Variants in COL9A3 observed in about 807,000 individuals in gnomAD.
COL9A3 encodes collagen type IX alpha 3 chain.
A neutral mutation model predicts 110.2 loss-of-function variants in COL9A3; 82 were observed. The observed-to-expected ratio is 0.74, with a 90% confidence interval of 0.62 to 0.89. The LOEUF (loss-of-function observed/expected upper bound fraction) is 0.89, where lower values mean the gene tolerates loss of function less well. Among genes scored for constraint, COL9A3 ranks in the 40% least tolerant of loss-of-function variants. The pLI is 0.00. For synonymous variants in COL9A3, 494 were observed against 403.8 expected, an observed-to-expected ratio of 1.22 and a Z score of -2.68; for missense variants, 1,066 against 981.3, an observed-to-expected ratio of 1.09 and a Z score of -1.15.
At chr20:62,824,927 G>A (rs779193136) in intron 11 of COL9A3, 41 bp from the exon 12 acceptor site, 18 of 1,579,614 alleles carry the variant, frequency 1.1e-5, no homozygotes, top group African/African-American at 1.3e-5. Flanking sequence ...AGGGGGTGTC[G>A]GGGGGTCTGG....
chr20:62,817,708 C>T (rs1424880464), intron 2 of COL9A3, 73 bp downstream of exon 2: 5 of 1,045,664 alleles, frequency 4.8e-6, no homozygotes, highest in South Asian at 3.2e-5. Context: ...CTGAGCTCCC[C>T]GGCCTGATGG....
At chr20:62,826,849 A>G (rs776994258) in intron 15 of COL9A3, 29 bp downstream of exon 15, 2 of 1,610,962 alleles carry the variant, frequency 1.2e-6, no homozygotes, top group South Asian at 1.1e-5. Flanking sequence ...GGTGGGCGCC[A>G]TGCCTCGTGA....
chr20:62,839,096 G>T (rs183688259), intron 31 of COL9A3, among the ~76,000 whole-genome samples: 1 of 152,110 alleles, frequency 6.6e-6, no homozygotes, highest in Admixed American at 6.5e-5. Flanking sequence ...GTGGTGGCGG[G>T]CGCCTGTAAT....
In COL9A3 at chr20:62,825,830, C is replaced by T. The variant is rs1046213869; in HGVS notation, c.644C>T (p.Pro215Leu). Residue 215 changes from proline (P) to leucine (L), a missense_variant, in exon 13 of 32, where the codon CCC (proline) becomes CTC (leucine). Pro to Leu is a moderately conservative substitution (Grantham distance 98). Coordinates refer to ENST00000649368, the MANE Select transcript of COL9A3 (RefSeq NM_001853.4). ...GKDGEKGDPG[P>L]PGPAGLPGSV... ...CCTCTGTTTCAGGGTGACCCTGGCC[C>T]CCCTGGGCCCGCCGGCCTCCCGGGC... The T allele has an allele frequency of 6.4e-7, 1 of 1,555,160 alleles. No homozygotes were observed.
intron 24 of COL9A3, chr20:62,831,756 AT>A (rs1017837609): frequency 7.1e-6 from 2 of 280,474 alleles, no homozygotes; most frequent in East Asian, 8.4e-5. Context: ...GCAAATGGAC[AT>A]TTTTTAAAGG....
At chr20:62,817,989 C>T in intron 2 of COL9A3, 1 of 388,278 alleles carries the variant, frequency 2.6e-6, no homozygotes, top group Middle Eastern at 7.1e-4. Context: ...TTGTTGGAGG[C>T]TGCTGGGCTC....
At chr20:62,827,813 C>T (rs565980193) in intron 16 of COL9A3, 110 bp from the exon 17 acceptor site, 1 of 1,202,884 alleles carries the variant, frequency 8.3e-7, no homozygotes, top group South Asian at 1.2e-5. Context: ...GGGGTGGCCC[C>T]TGCCGCTGCC....
In COL9A3 at chr20:62,829,825, T is replaced by C. The variant is rs373500557; in HGVS notation, c.1161+6T>C. On this transcript the variant is annotated splice_donor_region_variant and intron_variant, in intron 22 of 31. Transcript: ENST00000649368. ...CTGGCCACCGGGGCTCAGCGGTGAG[T>C]GCAGGGACATGGCCCGGGGTCGGGG... 23 of 1,563,054 alleles carry C rather than the reference T, an allele frequency of 1.5e-5. No individual in the cohort carries two copies. In the African/African-American group the frequency reaches 2.4e-4, roughly 17 times the overall value.
chr20:62,826,705 A>G, intron 14 of COL9A3, 62 bp from the exon 15 acceptor site: 2 of 1,581,898 alleles, frequency 1.3e-6, no homozygotes, highest in South Asian at 2.2e-5. Flanking sequence ...CTGAGGGAGC[A>G]CTGGGGGGAT....
At chr20:62,837,814 GAA>G (rs550050313) in intron 30 of COL9A3, among the ~76,000 whole-genome samples, 1 of 141,836 alleles carries the variant, frequency 7.1e-6, no homozygotes, top group South Asian at 2.2e-4. Flanking sequence ...CTCCATAAAA[GAA>G]AAAAAAAATG....
rs770880700 is a variant in COL9A3 at position 62,828,721 on chromosome 20, G to C, written c.901-43G>C. On this transcript the variant is annotated intron_variant, in intron 17 of 31. Coordinates refer to ENST00000649368, the MANE Select transcript of COL9A3 (RefSeq NM_001853.4). ...AGGGCAGGACTGTAGAGGGAGGGAG[G>C]GGGGCCACTGCCCGACGGGCCTTAC... is the stretch of plus-strand genomic sequence containing the variant. 18 of 1,608,416 alleles carry C rather than the reference G, an allele frequency of 1.1e-5. No individual in the cohort carries two copies. In the Admixed American group the frequency reaches 1.7e-4, roughly 15 times the overall value.
rs1339389875 is a variant in COL9A3 at position 62,820,000 on chromosome 20, A to G, written c.309+18A>G. On this transcript the variant is annotated intron_variant, in intron 5 of 31. Transcript: ENST00000649368. ...GGGAACGGGTAAGTGCCTGCGCCGA[A>G]CCCAGTGGCTTGGGTTCAGAGGTGA... The G allele has an allele frequency of 6.2e-7, 1 of 1,612,008 alleles. No homozygotes were observed. Among genetic ancestry groups the G allele is most frequent in the Admixed American group, 1.7e-5 (1 of 59,962 alleles).
chr20:62,837,052 A>G, intron 29 of COL9A3, 31 bp from the exon 30 acceptor site: 5 of 1,610,498 alleles, frequency 3.1e-6, no homozygotes, highest in Non-Finnish European at 2.5e-6. Context: ...TCCTCTCTCG[A>G]GTAAACGCCT....
chr20:62,837,199 C>A lies in COL9A3; in HGVS notation c.1720C>A (p.Pro574Thr), dbSNP rs761161932. ...PPGPPGSIGH[P>T]GARGPPGYRG... ...AGGACCCCCAGGCTCCATTGGTCAC[C>A]CTGGCGCTCGAGGACCCCCTGGATA... Residue 574 changes from proline to threonine, a missense_variant, in exon 30 of 32, where the codon CCT becomes ACT. By Grantham distance (38) the Pro-to-Thr change is conservative (BLOSUM62 -1). Transcript: ENST00000649368. 2 of 1,612,500 alleles carry A rather than the reference C, an allele frequency of 1.2e-6. No individual in the cohort carries two copies. The highest frequency in any genetic ancestry group is 1.7e-6 in the Non-Finnish European group (2 of 1,179,706).
Position 62,830,540 on chromosome 20 carries a change from C to T in COL9A3, c.1239C>T (p.Asp413=), listed in dbSNP as rs750178713. The change falls in exon 24 of 32, where the codon GAC becomes GAT. Residue 413 remains aspartate, a synonymous_variant. Coordinates refer to ENST00000649368, the MANE Select transcript of COL9A3 (RefSeq NM_001853.4). The stretch of plus-strand genomic sequence containing the variant: ...AGGGCCAGAAGGGCAGCATGGGAGA[C>T]CCCGGCCTTCCAGGCCCCCAGGGCC... ...GFQGQKGSMG[D]PGLPGPQGLR... The T allele has an allele frequency of 5.0e-6, 8 of 1,608,378 alleles. No homozygotes were observed. The Admixed American group carries it at 1.2e-4, about 24-fold the overall frequency.
chr20:62,817,256 G>A, intron 1 of COL9A3, 114 bp downstream of exon 1: 1 of 787,166 alleles, frequency 1.3e-6, no homozygotes, highest in Non-Finnish European at 1.7e-6. Flanking sequence ...CCGTGTCGCC[G>A]TCGGGGCGCG....
intron 15 of COL9A3, 53 bp downstream of exon 15, chr20:62,826,873 T>C (rs984684297): frequency 6.3e-7 from 1 of 1,584,394 alleles, no homozygotes; most frequent in East Asian, 2.3e-5. Flanking sequence ...CTCTCCCCTT[T>C]CCCTCTGCTC....
At chr20:62,835,389 C>T (rs1293225151) in intron 26 of COL9A3, among the ~76,000 whole-genome samples, 3 of 152,370 alleles carry the variant, frequency 2.0e-5, no homozygotes, top group Middle Eastern at 6.8e-3. Flanking sequence ...CCATCCTTTT[C>T]ATGAGGAACC....
intron 30 of COL9A3, among the ~76,000 whole-genome samples, chr20:62,837,845 G>A (rs182337063): frequency 7.6e-4 from 115 of 152,230 alleles, no homozygotes; most frequent in Non-Finnish European, 1.3e-3. Context: ...GGCCGGGTGC[G>A]GTGGCTCATG....
Sources: gnomAD v4.1 joint callset for allele counts (sites outside exome capture counted in the v4.1 genomes callset) on GRCh38, gnomAD v4.1.1 for gene constraint, MANE v1.5 for transcripts, NCBI Gene and HGNC (gene_info 2026-07-23, HGNC 2026-07-21) for gene names.